The following CES4A variants were observed in gnomAD, a reference collection of about 807,000 sequenced individuals.
CES4A encodes the protein carboxylesterase 6.
A neutral mutation model predicts 65.4 loss-of-function variants in CES4A; 48 were observed. That is an observed-to-expected ratio of 0.73 (90% CI 0.58 to 0.93). The LOEUF (loss-of-function observed/expected upper bound fraction) is 0.93, where lower values mean the gene tolerates loss of function less well. Ranked by LOEUF, CES4A falls within the 40% of genes least tolerant of loss-of-function variation. The pLI is 0.00. For missense variants in CES4A, 685 were observed against 728.5 expected (o/e 0.94, Z 0.69); for synonymous variants, 247 against 281.8 (o/e 0.88, Z 1.24).
In CES4A at chr16:67,003,154, A is replaced by C; in HGVS notation, c.775A>C (p.Asn259His). The C allele has an allele frequency of 6.2e-7, 1 of 1,614,086 alleles. No individual in the cohort carries two copies. Among genetic ancestry groups the C allele is most frequent in the Non-Finnish European group, 8.5e-7 (1 of 1,179,930 alleles). The change falls in exon 6 of 14, where the codon AAC becomes CAC. Residue 259 changes from asparagine (N) to histidine (H), a missense_variant. Physicochemically the swap from Asn to His is moderately conservative, Grantham distance 68 (BLOSUM62 1). Coordinates refer to ENST00000648724, the Ensembl canonical transcript of CES4A. This position sits in a 1 kb window ranked among gnomAD's most constrained non-coding sequence, Gnocchi z 4.2. Reference sequence around the variant, plus strand: ...GTTATTCAGACTTTTCATCACTAGTAACCCACTGAAAGTGGCCAAGGTGAG... The same window carrying C: ...GTTATTCAGACTTTTCATCACTAGTCACCCACTGAAAGTGGCCAAGGTGAG...
intron 5 of CES4A, 70 bp from the exon 6 acceptor site, chr16:67,002,998 GAC>G (rs1178405380): frequency 5.9e-6 from 8 of 1,352,496 alleles, no homozygotes; most frequent in Non-Finnish European, 7.4e-6. Context: ...CCCATGGCCA[GAC>G]AGATGCCCAG....
At chr16:66,990,115 A>G (rs559202289) in intron 1 of CES4A, among the ~76,000 whole-genome samples, 7 of 129,592 alleles carry the variant, frequency 5.4e-5, no homozygotes, top group South Asian at 4.6e-4. Context: ...CAATGGTGCC[A>G]TCTCCGCTCA....
Position 67,000,751 on chromosome 16 carries a change from C to G in CES4A, c.374C>G (p.Ala125Gly). 1.3e-6 allele frequency: 2 copies of G among 1,549,216 alleles called. No homozygotes were observed. Among genetic ancestry groups the G allele is most frequent in the Non-Finnish European group, 1.7e-6 (2 of 1,146,124 alleles). ...CTGTACCTGAACGTGTACGCGCCGG[C>G]GCGCGCGCCCGGGGATCCCCAGCTG... Residue 125 changes from alanine (A) to glycine (G), a missense_variant, in exon 3 of 14, where the codon GCG becomes GGG. Coordinates refer to ENST00000648724, the Ensembl canonical transcript of CES4A. The surrounding 1 kb of genome is among the most constrained non-coding windows in gnomAD (Gnocchi z 4.2).
intron 1 of CES4A, among the ~76,000 whole-genome samples, chr16:66,992,727 C>T (rs1964491054): frequency 6.6e-6 from 1 of 152,180 alleles, no homozygotes; most frequent in South Asian, 2.1e-4. Flanking sequence ...GTTGCCCAGG[C>T]TGGAGTATAG....
chr16:67,006,120 G>C (rs1965741771), intron 11 of CES4A: 2 of 419,626 alleles, frequency 4.8e-6, no homozygotes, highest in Admixed American at 3.5e-5. Flanking sequence ...GAAAAGGAAG[G>C]CTTCCATGAT....
Position 67,000,636 on chromosome 16 carries a change from A to C in CES4A, c.261-2A>C, listed in dbSNP as rs1290998580. 28 of 1,543,168 alleles carry C rather than the reference A, an allele frequency of 1.8e-5. No individual in the cohort carries two copies. Among genetic ancestry groups the C allele is most frequent in the Non-Finnish European group, 2.4e-5 (27 of 1,143,136 alleles). On this transcript the variant is annotated splice_acceptor_variant, in intron 2 of 13. Transcript: ENST00000648724. LOFTEE classifies it high-confidence loss of function. The surrounding 1 kb of genome is among the most constrained non-coding windows in gnomAD (Gnocchi z 4.2). ...GCCGCCGCCGCTACCTGGTGCCCGC[A>C]GGTGCCTGCAGGAGTCCTGGGGCCA... is the stretch of plus-strand genomic sequence containing the variant.
Position 67,001,338 on chromosome 16 carries a change from G to C in CES4A, c.567G>C (p.Trp189Cys). The C allele has an allele frequency of 6.2e-7, 1 of 1,612,550 alleles. No homozygotes were observed. The highest frequency in any genetic ancestry group is 1.3e-5 in the African/African-American group (1 of 75,046). ...ACGACAGCCACGCGCGCGGGAACTG[G>C]GGGCTGCTGGACCAGATGGCGGCTC... Residue 189 changes from tryptophan to cysteine, a missense_variant, in exon 5 of 14, where the codon TGG becomes TGC. By Grantham distance (215) the Trp-to-Cys change is radical. Transcript: ENST00000648724. This position sits in a 1 kb window ranked among gnomAD's most constrained non-coding sequence, Gnocchi z 4.1.
chr16:66,999,990 G>T (rs1447986276), intron 2 of CES4A, among the ~76,000 whole-genome samples: 1 of 152,152 alleles, frequency 6.6e-6, no homozygotes, highest in Non-Finnish European at 1.5e-5. Context: ...TACAGCAAAG[G>T]GTGGCTGGGA....
chr16:67,003,026 T>C lies in CES4A; in HGVS notation c.691-44T>C. 1 of 1,520,238 alleles carries C rather than the reference T, an allele frequency of 6.6e-7. No homozygotes were observed. Among genetic ancestry groups the C allele is most frequent in the Non-Finnish European group, 9.1e-7 (1 of 1,094,658 alleles). 94.2% of individuals were successfully genotyped at this position (1,520,238 alleles called of 1,614,324 possible). A position where few individuals can be genotyped will look rare whatever the true frequency, so the allele number is the denominator to read the frequency against. The stretch of plus-strand genomic sequence containing the variant: ...AGATGCCCAGAACAGCCCAGGTGTC[T>C]CTACTTGGGCATCTCACGGGTGTAT... On this transcript the variant is annotated intron_variant, in intron 5 of 13. Transcript: ENST00000648724. This position sits in a 1 kb window ranked among gnomAD's most constrained non-coding sequence, Gnocchi z 4.2.
rs1335418583 is a variant in CES4A, at chr16:67,000,829, C to T, written c.403-28C>T. On this transcript the variant is annotated intron_variant, in intron 3 of 13. Transcript: ENST00000648724. This position sits in a 1 kb window ranked among gnomAD's most constrained non-coding sequence, Gnocchi z 4.2. ...GCGGTCCCACCGCCGCCCACCGCCCCGCTCAGATCCCGGCCTTCTTCGTCC... is the reference window on the plus strand; with the variant it reads ...GCGGTCCCACCGCCGCCCACCGCCCTGCTCAGATCCCGGCCTTCTTCGTCC... 1 of 1,560,598 alleles carries T rather than the reference C, an allele frequency of 6.4e-7. No homozygotes were observed. The highest frequency in any genetic ancestry group is 8.7e-7 in the Non-Finnish European group (1 of 1,151,954).
rs1382921871 is a variant in CES4A at position 67,001,470 on chromosome 16, A to G, written c.690+9A>G. On this transcript the variant is annotated intron_variant, in intron 5 of 13. Coordinates refer to ENST00000648724, the Ensembl canonical transcript of CES4A. The surrounding 1 kb of genome is among the most constrained non-coding windows in gnomAD (Gnocchi z 4.1). ...TGAGCATCTCAGGACTGGTGAGAGC[A>G]ATGCCCAGACGGACCGAGCACAGAC... 1 of 1,594,644 alleles carries G rather than the reference A, an allele frequency of 6.3e-7. No homozygotes were observed. Among genetic ancestry groups the G allele is most frequent in the African/African-American group, 1.3e-5 (1 of 74,540 alleles).
intron 9 of CES4A, 53 bp from the exon 10 acceptor site, chr16:67,004,740 T>A: frequency 2.8e-6 from 4 of 1,423,048 alleles, no homozygotes; most frequent in Non-Finnish European, 1.9e-6. Flanking sequence ...CTGGCCAGAA[T>A]CCCTCCTAAT....
chr16:67,001,186 T>C lies in CES4A; in HGVS notation c.537-122T>C. ...CGAGCTAACTCCAAGGAAGGGGGTG[T>C]GGTCGCAGGACTGGGTCTTAGAGGG... On this transcript the variant is annotated intron_variant, in intron 4 of 13. Coordinates refer to ENST00000648724, the Ensembl canonical transcript of CES4A. The surrounding 1 kb of genome is among the most constrained non-coding windows in gnomAD (Gnocchi z 4.1). The C allele has an allele frequency of 7.4e-7, 1 of 1,354,432 alleles. No homozygotes were observed. The highest frequency in any genetic ancestry group is 9.8e-7 in the Non-Finnish European group (1 of 1,018,742). The allele number at this position is 1,354,432 out of a possible 1,614,324, so 83.9% of individuals were successfully genotyped here. A position where few individuals can be genotyped will look rare whatever the true frequency, so the allele number is the denominator to read the frequency against.
chr16:67,001,259 C>A lies in CES4A; in HGVS notation c.537-49C>A. On this transcript the variant is annotated intron_variant, in intron 4 of 13. Transcript: ENST00000648724. The surrounding 1 kb of genome is among the most constrained non-coding windows in gnomAD (Gnocchi z 4.1). Reference sequence around the variant, plus strand: ...AAGCCCAGGAGGGCAGCCCAACGCGCCCCGACTGTCGAGGCCCGGGACCCT... The same window carrying A: ...AAGCCCAGGAGGGCAGCCCAACGCGACCCGACTGTCGAGGCCCGGGACCCT... 1 of 1,531,492 alleles carries A rather than the reference C, an allele frequency of 6.5e-7. No individual in the cohort carries two copies. Among genetic ancestry groups the A allele is most frequent in the Non-Finnish European group, 8.8e-7 (1 of 1,142,430 alleles). The allele number at this position is 1,531,492 out of a possible 1,614,324, so 94.9% of individuals were successfully genotyped here.
chr16:67,001,909 G>A lies in CES4A; in HGVS notation c.690+448G>A, dbSNP rs540633108. The stretch of plus-strand genomic sequence containing the variant: ...TGCCTGGAATGTGGGTGTACTGTAA[G>A]GTGCCCTGTGAGGGGCATATGGCTG... On this transcript the variant is annotated intron_variant, in intron 5 of 13. Coordinates refer to ENST00000648724, the Ensembl canonical transcript of CES4A. This position sits in a 1 kb window ranked among gnomAD's most constrained non-coding sequence, Gnocchi z 4.1. 8.5e-5 allele frequency among the ~76,000 whole-genome samples: 13 copies of A among 152,386 alleles called. No individual in the cohort carries two copies. Among genetic ancestry groups the A allele is most frequent in the Admixed American group, 4.6e-4 (7 of 15,310 alleles).
rs777136501 is a variant in CES4A, at chr16:67,004,036, T to C, written c.940-48T>C. 8 of 1,608,386 alleles carry C rather than the reference T, an allele frequency of 5.0e-6. No homozygotes were observed. In the East Asian group the frequency reaches 1.3e-4, roughly 27 times the overall value. On this transcript the variant is annotated intron_variant, in intron 8 of 13. Transcript: ENST00000648724. Reference sequence around the variant, plus strand: ...GGGGCACCCAAGGTTGCAGGGACCCTGGGAGGATACTTGAGGAGACTGGCT... The same window carrying C: ...GGGGCACCCAAGGTTGCAGGGACCCCGGGAGGATACTTGAGGAGACTGGCT...
At chr16:66,989,019 C>G (rs901456249) in intron 1 of CES4A, among the ~76,000 whole-genome samples, 189 bp downstream of exon 1, 1 of 152,202 alleles carries the variant, frequency 6.6e-6, no homozygotes, top group Admixed American at 6.5e-5. Flanking sequence ...GTCCTTTAGC[C>G]TCCCTGAACC....
intron 2 of CES4A, chr16:66,996,256 C>T (rs1363562024): frequency 2.0e-5 from 7 of 342,720 alleles, no homozygotes; most frequent in Admixed American, 1.3e-4. Context: ...AGGATGGTCT[C>T]GATCTCTTGA....
chr16:66,998,080 A>G (rs910053485), intron 2 of CES4A, among the ~76,000 whole-genome samples: 1 of 151,870 alleles, frequency 6.6e-6, no homozygotes, highest in African/African-American at 2.4e-5. Flanking sequence ...GAGAGAGAAG[A>G]CAGAAGGCAA....
Sources: allele counts gnomAD v4.1 joint callset (sites outside exome capture counted in the v4.1 genomes callset), GRCh38; gene constraint gnomAD v4.1.1; non-coding constraint Gnocchi (gnomAD v3.1); transcripts MANE v1.5; gene names NCBI Gene and HGNC (gene_info 2026-07-23, HGNC 2026-07-21).